Variants in PAN3 observed in about 807,000 individuals in gnomAD.
PAN3 encodes the protein poly(A) specific ribonuclease subunit PAN3.
A neutral mutation model predicts 96.2 loss-of-function variants in PAN3; 19 were observed. That is an observed-to-expected ratio of 0.20 (90% CI 0.14 to 0.29). The LOEUF (loss-of-function observed/expected upper bound fraction) is 0.29, where lower values mean the gene tolerates loss of function less well. Among genes scored for constraint, PAN3 ranks in the 10% least tolerant of loss-of-function variants. The pLI is 1.00. For missense variants in PAN3, 882 were observed against 1,108.1 expected (o/e 0.80, Z 2.90); for synonymous variants, 433 against 406.6 (o/e 1.06, Z -0.78).
At chr13:28,181,973 A>G (rs1269799381) in intron 4 of PAN3, among the ~76,000 whole-genome samples, 1 of 152,240 alleles carries the variant, frequency 6.6e-6, no homozygotes, top group East Asian at 1.9e-4. Context: ...TATACAAGAG[A>G]TTATTACATG....
At chr13:28,152,324 C>T (rs887226704) in intron 1 of PAN3, among the ~76,000 whole-genome samples, 1 of 152,150 alleles carries the variant, frequency 6.6e-6, no homozygotes, top group Non-Finnish European at 1.5e-5. Flanking sequence ...TGGCTCATGC[C>T]TGTAATCCCA....
At chr13:28,205,895 G>A (rs1001776301) in intron 5 of PAN3, among the ~76,000 whole-genome samples, 2 of 148,480 alleles carry the variant, frequency 1.3e-5, no homozygotes, top group African/African-American at 4.9e-5. Context: ...AATGCCTCAT[G>A]TATCAGCTTT....
At chr13:28,226,319 G>T (rs899672402) in intron 6 of PAN3, among the ~76,000 whole-genome samples, 1 of 152,126 alleles carries the variant, frequency 6.6e-6, no homozygotes, top group Non-Finnish European at 1.5e-5. Flanking sequence ...TTGTTTCTCA[G>T]AAGTCTACTG....
chr13:28,171,739 G>C (rs762186315), intron 1 of PAN3, among the ~76,000 whole-genome samples: 7 of 152,198 alleles, frequency 4.6e-5, no homozygotes, highest in Non-Finnish European at 8.8e-5. Flanking sequence ...GAACCCCACA[G>C]TTAAGGGATT....
At chr13:28,243,026 G>T (rs1301870867) in intron 6 of PAN3, among the ~76,000 whole-genome samples, 2 of 152,146 alleles carry the variant, frequency 1.3e-5, no homozygotes, top group Admixed American at 6.5e-5. Flanking sequence ...TGGTCACCCT[G>T]ATAAACTCTT....
intron 1 of PAN3, among the ~76,000 whole-genome samples, chr13:28,161,064 C>T: frequency 6.6e-6 from 1 of 152,172 alleles, no homozygotes; most frequent in East Asian, 1.9e-4. Context: ...TTTAAACTTC[C>T]ATTTTCCCTT....
intron 13 of PAN3, among the ~76,000 whole-genome samples, chr13:28,271,643 A>T (rs972161179): frequency 5.3e-5 from 8 of 152,218 alleles, no homozygotes; most frequent in African/African-American, 1.9e-4. Context: ...CATCTTTTGC[A>T]AGTGTTAGAA....
intron 5 of PAN3, among the ~76,000 whole-genome samples, chr13:28,200,497 A>G (rs888363205): frequency 2.0e-5 from 3 of 152,222 alleles, no homozygotes; most frequent in Non-Finnish European, 2.9e-5. Flanking sequence ...GAATGCAGTC[A>G]TTCATACTGC....
chr13:28,187,337 A>G (rs866701906), intron 4 of PAN3, among the ~76,000 whole-genome samples: 1 of 152,142 alleles, frequency 6.6e-6, no homozygotes, highest in African/African-American at 2.4e-5. Context: ...AAAAAAATAC[A>G]ACAATTTTTT....
chr13:28,273,715 TGATTTTAA>T lies in PAN3; in HGVS notation c.2049+1647_2049+1654del, dbSNP rs545537761. On this transcript the variant is annotated intron_variant, in intron 14 of 18. Coordinates refer to ENST00000380958, the MANE Select transcript of PAN3 (RefSeq NM_175854.8). ...TGCTTCACATTAGGATAGGCAGCTA[TGATTTTAA>T]GACAATTTTAGTTCTTTGTGTATAA... Among the ~76,000 whole-genome samples the T allele has an allele frequency of 4.0e-3, 610 of 152,370 alleles. 3 individuals are homozygous for T. Among genetic ancestry groups the T allele is most frequent in the Non-Finnish European group, 7.2e-3 (490 of 68,034 alleles).
chr13:28,151,881 TTAGG>T (rs1871409311), intron 1 of PAN3, among the ~76,000 whole-genome samples: 1 of 151,918 alleles, frequency 6.6e-6, no homozygotes, highest in Non-Finnish European at 1.5e-5. Flanking sequence ...TTTTGAGGAG[TTAGG>T]TAGATACAAG....
At chr13:28,208,009 C>T (rs929724878) in intron 5 of PAN3, among the ~76,000 whole-genome samples, 3 of 152,088 alleles carry the variant, frequency 2.0e-5, no homozygotes, top group Non-Finnish European at 4.4e-5. Flanking sequence ...TATTGATTAG[C>T]TGGATGAATA....
chr13:28,176,041 A>G (rs1874930736), intron 2 of PAN3, among the ~76,000 whole-genome samples: 1 of 152,222 alleles, frequency 6.6e-6, no homozygotes, highest in South Asian at 2.1e-4. Flanking sequence ...TCTAGAAAGC[A>G]TAGAACGTGT....
chr13:28,254,613 T>C (rs1884991844), intron 6 of PAN3, among the ~76,000 whole-genome samples: 5 of 152,170 alleles, frequency 3.3e-5, no homozygotes, highest in Admixed American at 3.3e-4. Flanking sequence ...TTTAATTAAC[T>C]GTACAATATA....
chr13:28,262,900 G>A (rs368841049), intron 9 of PAN3, among the ~76,000 whole-genome samples: 31 of 152,118 alleles, frequency 2.0e-4, no homozygotes, highest in Non-Finnish European at 3.7e-4. Flanking sequence ...TATTTATTAC[G>A]CAGTATTAAA....
intron 15 of PAN3, among the ~76,000 whole-genome samples, chr13:28,278,394 A>G (rs941585519): frequency 4.6e-5 from 7 of 152,198 alleles, no homozygotes; most frequent in Non-Finnish European, 4.4e-5. Context: ...TTAGTTTGCA[A>G]ATACCTAGGA....
intron 4 of PAN3, among the ~76,000 whole-genome samples, chr13:28,189,725 G>A (rs997623763): frequency 6.6e-6 from 1 of 152,076 alleles, no homozygotes; most frequent in Non-Finnish European, 1.5e-5. Flanking sequence ...CTCAAAGTGC[G>A]ATCACCAGAC....
At chr13:28,187,687 TCTG>T (rs1207238338) in intron 4 of PAN3, among the ~76,000 whole-genome samples, 1 of 152,220 alleles carries the variant, frequency 6.6e-6, no homozygotes, top group Non-Finnish European at 1.5e-5. Flanking sequence ...TAAATTATGT[TCTG>T]CTGTGTTTGA....
At chr13:28,196,039 T>A (rs75992885) in intron 4 of PAN3, among the ~76,000 whole-genome samples, 5 of 151,404 alleles carry the variant, frequency 3.3e-5, no homozygotes, top group Non-Finnish European at 7.4e-5. Context: ...TTTTTTTTTT[T>A]AATAGAGACA....
Sources: allele counts gnomAD v4.1 joint callset (sites outside exome capture counted in the v4.1 genomes callset), GRCh38; gene constraint gnomAD v4.1.1; transcripts MANE v1.5; gene names NCBI Gene and HGNC (gene_info 2026-07-23, HGNC 2026-07-21).